GFRAL: variants seen among roughly 807,000 people sequenced by gnomAD.
GFRAL encodes the protein GDNF family receptor alpha like, also known as GDNF family receptor alpha-like.
In GFRAL, 36 loss-of-function variants were observed where a neutral mutation model predicts 45.4. The ratio of observed to expected loss-of-function variants is 0.79; its 90% CI spans 0.61 to 1.05. GFRAL has a LOEUF of 1.05. GFRAL is among the 50% of genes least tolerant of loss of function. The pLI is 0.00. For missense variants in GFRAL, 507 were observed against 467.5 expected, an observed-to-expected ratio of 1.08 and a Z score of -0.78; for synonymous variants, 166 against 154.1, an observed-to-expected ratio of 1.08 and a Z score of -0.57.
intron 6 of GFRAL, among the ~76,000 whole-genome samples, chr6:55,369,975 G>T (rs1218835812): frequency 1.3e-5 from 2 of 152,072 alleles, no homozygotes; most frequent in Non-Finnish European, 2.9e-5. Context: ...TGACCTGGTG[G>T]GTCATAGCCT....
intron 6 of GFRAL, among the ~76,000 whole-genome samples, chr6:55,375,787 C>T (rs1215704267): frequency 6.6e-6 from 1 of 152,028 alleles, no homozygotes; most frequent in African/African-American, 2.4e-5. Context: ...TTTCTAGATA[C>T]AGGATCATGT....
At chr6:55,341,466 A>C (rs983309299) in intron 3 of GFRAL, among the ~76,000 whole-genome samples, 2 of 152,208 alleles carry the variant, frequency 1.3e-5, no homozygotes, top group African/African-American at 2.4e-5. Context: ...GAGGGTCCTG[A>C]CTGTTAGAAG....
At chr6:55,338,762 T>C (rs1363750198) in intron 3 of GFRAL, among the ~76,000 whole-genome samples, 1 of 152,168 alleles carries the variant, frequency 6.6e-6, no homozygotes, top group African/African-American at 2.4e-5. Flanking sequence ...GGAGCAACAA[T>C]TCCCTTGTTA....
Position 55,401,933 on chromosome 6 carries a change from T to C in GFRAL, c.*80T>C, listed in dbSNP as rs1768904967. 4.1e-6 allele frequency: 3 copies of C among 735,888 alleles called. No individual in the cohort carries two copies. Among genetic ancestry groups the C allele is most frequent in the Non-Finnish European group, 7.1e-6 (3 of 423,840 alleles). The allele number at this position is 735,888 out of a possible 1,614,324, so 45.6% of individuals were successfully genotyped here. ...TCCTCTTTTCTTCTCTCCTCTCCTC[T>C]CCTCTCTTCTCCTCTCCTCCCCTCC... On this transcript the variant is annotated 3_prime_UTR_variant, in exon 9 of 9. Coordinates refer to ENST00000340465, the MANE Select transcript of GFRAL (RefSeq NM_207410.2).
chr6:55,346,163 C>T (rs953163798), intron 3 of GFRAL, among the ~76,000 whole-genome samples: 37 of 152,128 alleles, frequency 2.4e-4, no homozygotes, highest in African/African-American at 8.7e-4. Flanking sequence ...ACTAGAAATA[C>T]CATTTGACCC....
chr6:55,399,626 G>T (rs969427854), intron 8 of GFRAL, among the ~76,000 whole-genome samples, 185 bp downstream of exon 8: 2 of 152,080 alleles, frequency 1.3e-5, no homozygotes, highest in African/African-American at 4.8e-5. Context: ...CCTACATAAG[G>T]AAAATGTGAT....
At chr6:55,373,349 T>C (rs1768478803) in intron 6 of GFRAL, among the ~76,000 whole-genome samples, 1 of 152,140 alleles carries the variant, frequency 6.6e-6, no homozygotes, top group African/African-American at 2.4e-5. Flanking sequence ...ACATGGAATG[T>C]TCATAGCCAA....
At chr6:55,377,901 A>G (rs1346189651) in intron 6 of GFRAL, among the ~76,000 whole-genome samples, 1 of 152,108 alleles carries the variant, frequency 6.6e-6, no homozygotes, top group Non-Finnish European at 1.5e-5. Context: ...GTCAAGAGTC[A>G]GTAAAAAGAT....
chr6:55,377,685 G>T (rs1768553607), intron 6 of GFRAL, among the ~76,000 whole-genome samples: 1 of 151,970 alleles, frequency 6.6e-6, no homozygotes. Context: ...GCCAGTCTTT[G>T]CCACAGTATT....
chr6:55,350,160 T>G lies in GFRAL; in HGVS notation c.370+15T>G. The G allele has an allele frequency of 6.7e-7, 1 of 1,485,328 alleles. No individual in the cohort carries two copies. The highest frequency in any genetic ancestry group is 2.3e-5 in the East Asian group (1 of 44,216). 92.0% of individuals were successfully genotyped at this position (1,485,328 alleles called of 1,614,324 possible). ...TTCCCATCATGGTAATGTTTTTAAG[T>G]TATTATTTTGATCTGCATTGCAAAT... On this transcript the variant is annotated intron_variant, in intron 4 of 8. Transcript: ENST00000340465.
intron 3 of GFRAL, among the ~76,000 whole-genome samples, chr6:55,341,067 T>G (rs1428684432): frequency 6.6e-6 from 1 of 152,206 alleles, no homozygotes; most frequent in African/African-American, 2.4e-5. Context: ...CAAGGAGGCC[T>G]GCTTGCATCT....
intron 6 of GFRAL, among the ~76,000 whole-genome samples, chr6:55,388,874 C>T (rs992022176): frequency 1.3e-5 from 2 of 152,068 alleles, no homozygotes; most frequent in Non-Finnish European, 2.9e-5. Context: ...AAGGAGTTTT[C>T]GTAAGAAACA....
At chr6:55,397,334 A>C (rs968754289) in intron 6 of GFRAL, among the ~76,000 whole-genome samples, 16 of 140,330 alleles carry the variant, frequency 1.1e-4, no homozygotes, top group Non-Finnish European at 2.3e-4. Context: ...CTGGCTAACA[A>C]GGTGAAACCC....
At chr6:55,371,742 G>C (rs1768453211) in intron 6 of GFRAL, among the ~76,000 whole-genome samples, 1 of 152,090 alleles carries the variant, frequency 6.6e-6, no homozygotes, top group Non-Finnish European at 1.5e-5. Flanking sequence ...ATTGTCTTGT[G>C]GTAGAGTGAT....
chr6:55,352,531 T>C (rs1229271634), intron 5 of GFRAL, among the ~76,000 whole-genome samples: 1 of 152,090 alleles, frequency 6.6e-6, no homozygotes, highest in East Asian at 1.9e-4. Flanking sequence ...GCTGAAGTCC[T>C]ACTCTCTTTA....
At chr6:55,398,015 T>C (rs1768849617) in intron 6 of GFRAL, among the ~76,000 whole-genome samples, 1 of 152,180 alleles carries the variant, frequency 6.6e-6, no homozygotes, top group Non-Finnish European at 1.5e-5. Context: ...AAACAAAGGC[T>C]ATATTATATA....
At chr6:55,335,363 A>G (rs1581898623) in intron 3 of GFRAL, among the ~76,000 whole-genome samples, 1 of 152,284 alleles carries the variant, frequency 6.6e-6, no homozygotes, top group East Asian at 1.9e-4. Context: ...CAAGTTGAAT[A>G]GATTTTTTTT....
chr6:55,377,631 G>A (rs1463586737), intron 6 of GFRAL, among the ~76,000 whole-genome samples: 3 of 151,968 alleles, frequency 2.0e-5, no homozygotes, highest in Non-Finnish European at 4.4e-5. Context: ...ATATAGTTTA[G>A]CTCGATACCT....
chr6:55,390,755 G>A (rs1184435992), intron 6 of GFRAL, among the ~76,000 whole-genome samples: 2 of 152,202 alleles, frequency 1.3e-5, no homozygotes, highest in East Asian at 3.9e-4. Flanking sequence ...AGGCATGGTG[G>A]CGAGCGCCTG....
Sources: gnomAD v4.1 joint callset for allele counts (sites outside exome capture counted in the v4.1 genomes callset) on GRCh38, gnomAD v4.1.1 for gene constraint, MANE v1.5 for transcripts, NCBI Gene and HGNC (gene_info 2026-07-23, HGNC 2026-07-21) for gene names.